Variants in INPP4B observed in about 807,000 individuals in gnomAD.
INPP4B encodes the protein inositol polyphosphate-4-phosphatase type II B.
INPP4B carries 55 observed loss-of-function variants against 122.5 expected under a neutral mutation model. The observed-to-expected ratio is 0.45, with a 90% CI of 0.36 to 0.56. INPP4B has a LOEUF of 0.56. INPP4B is among the 20% of genes least tolerant of loss of function. The pLI is 0.00. For synonymous variants in INPP4B, 403 were observed against 388.7 expected, an observed-to-expected ratio of 1.04 and a Z score of -0.43; for missense variants, 1,000 against 1,097.7, an observed-to-expected ratio of 0.91 and a Z score of 1.26.
At chr4:142,338,662 CCTAAA>C (rs1474206347) in intron 7 of INPP4B, among the ~76,000 whole-genome samples, 2 of 152,140 alleles carry the variant, frequency 1.3e-5, no homozygotes, top group East Asian at 3.9e-4. Context: ...GTTCTCAAAG[CCTAAA>C]CTCCTCATGT....
intron 2 of INPP4B, among the ~76,000 whole-genome samples, chr4:142,549,884 C>T (rs1045505869): frequency 4.7e-4 from 71 of 152,094 alleles, no homozygotes; most frequent in African/African-American, 1.7e-3. Flanking sequence ...CAATTAAATT[C>T]CAGGTAGGTG....
chr4:142,441,096 A>G (rs1201417081), intron 3 of INPP4B, among the ~76,000 whole-genome samples: 1 of 152,216 alleles, frequency 6.6e-6, no homozygotes, highest in Non-Finnish European at 1.5e-5. Context: ...GAGCAGAAAG[A>G]AGCCACATTA....
intron 2 of INPP4B, among the ~76,000 whole-genome samples, chr4:142,566,584 G>A (rs1731670890): frequency 6.6e-6 from 1 of 152,164 alleles, no homozygotes; most frequent in Non-Finnish European, 1.5e-5. Flanking sequence ...GAAAAGGTGA[G>A]ATTGCTATCT....
intron 11 of INPP4B, among the ~76,000 whole-genome samples, chr4:142,244,905 A>C (rs1186848770): frequency 6.6e-6 from 1 of 152,122 alleles, no homozygotes; most frequent in African/African-American, 2.4e-5. Flanking sequence ...CTAACTTTTT[A>C]ATGATTGCCA....
At chr4:142,118,283 G>GA (rs1165349006) in intron 21 of INPP4B, among the ~76,000 whole-genome samples, 3 of 152,008 alleles carry the variant, frequency 2.0e-5, no homozygotes, top group South Asian at 4.1e-4. Context: ...CACAGAATTG[G>GA]AAAAAACTAC....
intron 2 of INPP4B, among the ~76,000 whole-genome samples, chr4:142,658,067 T>C (rs371113719): frequency 6.6e-6 from 1 of 152,204 alleles, no homozygotes; most frequent in East Asian, 1.9e-4. Context: ...AAAATCCTGA[T>C]GTCTAACGAT....
At chr4:142,182,424 T>C (rs1033395695) in intron 15 of INPP4B, among the ~76,000 whole-genome samples, 7 of 151,700 alleles carry the variant, frequency 4.6e-5, no homozygotes, top group Non-Finnish European at 8.8e-5. Context: ...GGCAGGTGCC[T>C]GTAGTCCCAG....
intron 1 of INPP4B, among the ~76,000 whole-genome samples, chr4:142,741,298 A>G (rs547327794): frequency 1.1e-4 from 16 of 152,120 alleles, no homozygotes; most frequent in African/African-American, 3.9e-4. Context: ...AAGAGGGAGT[A>G]GACACATCAC....
chr4:142,226,692 G>C (rs377642485), intron 12 of INPP4B, among the ~76,000 whole-genome samples: 1 of 152,302 alleles, frequency 6.6e-6, no homozygotes, highest in East Asian at 1.9e-4. Flanking sequence ...ACCATTAGTA[G>C]ATGGTTGCAT....
chr4:142,209,998 C>T (rs1447504279), intron 12 of INPP4B, among the ~76,000 whole-genome samples: 2 of 151,996 alleles, frequency 1.3e-5, no homozygotes, highest in African/African-American at 4.8e-5. Flanking sequence ...TACCCTTTAG[C>T]CAAGTTAATT....
At chr4:142,643,100 A>T (rs992003239) in intron 2 of INPP4B, among the ~76,000 whole-genome samples, 1 of 152,102 alleles carries the variant, frequency 6.6e-6, no homozygotes, top group Non-Finnish European at 1.5e-5. Flanking sequence ...AATGCTTGTG[A>T]TTTTTGCACG....
intron 2 of INPP4B, among the ~76,000 whole-genome samples, chr4:142,591,212 G>A (rs1737412752): frequency 6.6e-6 from 1 of 152,048 alleles, no homozygotes; most frequent in African/African-American, 2.4e-5. Context: ...GGTGGGCTGA[G>A]AAGTCGAGGT....
chr4:142,664,194 A>G (rs28485272), intron 2 of INPP4B, among the ~76,000 whole-genome samples: 16,554 of 152,156 alleles, frequency 0.11, 931 homozygotes, highest in South Asian at 0.15. Context: ...ACCAACATAC[A>G]TGCCAGCCAT....
intron 17 of INPP4B, among the ~76,000 whole-genome samples, chr4:142,149,215 A>G (rs1812458414): frequency 6.6e-6 from 1 of 152,240 alleles, no homozygotes; most frequent in Non-Finnish European, 1.5e-5. Context: ...CCTGGCTCTC[A>G]GTAATTTTTG....
At chr4:142,552,331 G>C (rs1447158761) in intron 2 of INPP4B, among the ~76,000 whole-genome samples, 4 of 152,080 alleles carry the variant, frequency 2.6e-5, no homozygotes, top group African/African-American at 7.2e-5. Flanking sequence ...CCCCAATGAT[G>C]CTGAGGCTGC....
rs1180966986 is a variant in INPP4B, at chr4:142,252,189, T to C, written c.688+8303A>G. On this transcript the variant is annotated intron_variant, in intron 11 of 25. Transcript: ENST00000262992. ...ATTGCCTGTCACTATAGTAGTCATT[T>C]TTTTTTTTTTTTTTTTTGAGACGGA... 2.8e-5 allele frequency among the ~76,000 whole-genome samples: 4 copies of C among 143,520 alleles called. No individual in the cohort carries two copies. The South Asian group carries it at 8.9e-4, about 32-fold the overall frequency. The allele number at this position is 143,520 out of a possible 152,430, so 94.2% of individuals were successfully genotyped here.
intron 2 of INPP4B, among the ~76,000 whole-genome samples, chr4:142,539,911 A>T (rs1828736316): frequency 1.3e-5 from 2 of 152,060 alleles, no homozygotes; most frequent in Non-Finnish European, 2.9e-5. Context: ...TGAAACGAAC[A>T]ATTGCAGGAG....
intron 2 of INPP4B, among the ~76,000 whole-genome samples, chr4:142,471,380 T>C (rs966656234): frequency 3.9e-5 from 6 of 152,216 alleles, no homozygotes; most frequent in Non-Finnish European, 7.3e-5. Flanking sequence ...GTAGTTATTT[T>C]TGTTTGGTGG....
chr4:142,094,034 A>T (rs1017706159), intron 23 of INPP4B, among the ~76,000 whole-genome samples: 2 of 152,152 alleles, frequency 1.3e-5, no homozygotes, highest in Admixed American at 1.3e-4. Flanking sequence ...ACGATAACAT[A>T]TTTTTTTCCT....
Sources: allele counts gnomAD v4.1 joint callset (sites outside exome capture counted in the v4.1 genomes callset), GRCh38; gene constraint gnomAD v4.1.1; transcripts MANE v1.5; gene names NCBI Gene and HGNC (gene_info 2026-07-23, HGNC 2026-07-21).